Variants in ATXN8OS observed in about 807,000 individuals in gnomAD.
ATXN8OS encodes ATXN8 opposite strand (non-protein coding).
chr13:70,146,095 T>C (rs1481408934), intron 3 of ATXN8OS, among the ~76,000 whole-genome samples: 1 of 143,818 alleles, frequency 7.0e-6, no homozygotes. Context: ...CATCAAAAAG[T>C]GGGCAAAGGA....
At chr13:70,107,722 G>T (rs1375503916), upstream of ATXN8OS, 1 of 1,499,744 alleles carries the variant, frequency 6.7e-7, no homozygotes. Context: ...GAAGGCAAAA[G>T]GCTGGCAGCT....
chr13:70,139,351 T>A, intron 3 of ATXN8OS: 1 of 547,474 alleles, frequency 1.8e-6, no homozygotes, highest in Non-Finnish European at 3.2e-6. Context: ...AAACCTGGCT[T>A]TACTACTACT....
intron 3 of ATXN8OS, among the ~76,000 whole-genome samples, chr13:70,140,261 GTTAT>G (rs151204625): frequency 0.018 from 2,747 of 151,980 alleles, 77 homozygotes; most frequent in African/African-American, 0.061. Flanking sequence ...TCAACAATAA[GTTAT>G]TTATTTTTGT....
chr13:70,133,681 T>C (rs557255680), intron 3 of ATXN8OS, among the ~76,000 whole-genome samples: 4 of 151,960 alleles, frequency 2.6e-5, no homozygotes, highest in Admixed American at 1.3e-4. Flanking sequence ...AATACAGACA[T>C]AGAAAGGCAG....
intron 4 of ATXN8OS, among the ~76,000 whole-genome samples, chr13:70,158,523 G>C (rs2137503284): frequency 6.6e-6 from 1 of 152,306 alleles, no homozygotes; most frequent in South Asian, 2.1e-4. Flanking sequence ...TCAACAATAT[G>C]CCTAGATGGC....
At chr13:70,108,069 C>T (rs1319405471) in intron 1 of ATXN8OS, 4 of 417,936 alleles carry the variant, frequency 9.6e-6, no homozygotes, top group Non-Finnish European at 1.7e-5. Flanking sequence ...GGTCTGAGCG[C>T]TCCGAAGCTC....
intron 3 of ATXN8OS, among the ~76,000 whole-genome samples, chr13:70,142,391 A>G (rs1888729871): frequency 1.3e-5 from 2 of 152,214 alleles, no homozygotes; most frequent in African/African-American, 4.8e-5. Flanking sequence ...TTAAAGGGGT[A>G]GAGATTGTCA....
At chr13:70,149,002 G>T (rs140029267) in intron 4 of ATXN8OS, among the ~76,000 whole-genome samples, 1 of 152,166 alleles carries the variant, frequency 6.6e-6, no homozygotes, top group Non-Finnish European at 1.5e-5. Context: ...AGAATGAAAA[G>T]AACATATTTT....
At chr13:70,116,675 A>G (rs957470872) in intron 2 of ATXN8OS, among the ~76,000 whole-genome samples, 3 of 152,154 alleles carry the variant, frequency 2.0e-5, no homozygotes, top group Non-Finnish European at 4.4e-5. Flanking sequence ...TTGGAGTGAT[A>G]GCATCTGACT....
chr13:70,139,365 A>ACTACTACTACTACTACTACTACTG, intron 3 of ATXN8OS: 1 of 613,774 alleles, frequency 1.6e-6, no homozygotes, highest in Non-Finnish European at 2.7e-6. Flanking sequence ...TACTACTACT[A>ACTACTACTACTACTACTACTACTG]CTACTACTAC....
chr13:70,123,570 A>C (rs1183280430), intron 2 of ATXN8OS, among the ~76,000 whole-genome samples: 1 of 152,148 alleles, frequency 6.6e-6, no homozygotes, highest in Non-Finnish European at 1.5e-5. Context: ...AAACTTAGAA[A>C]AGATCTGAAA....
intron 3 of ATXN8OS, among the ~76,000 whole-genome samples, chr13:70,143,760 GT>G (rs1343191269): frequency 6.6e-6 from 1 of 152,078 alleles, no homozygotes; most frequent in Non-Finnish European, 1.5e-5. Context: ...CAGAATTCGT[GT>G]TTAAGTGCTT....
intron 4 of ATXN8OS, among the ~76,000 whole-genome samples, chr13:70,153,017 T>C (rs1455529260): frequency 2.7e-5 from 1 of 36,588 alleles, no homozygotes; most frequent in Non-Finnish European, 9.3e-5. Context: ...GAAAAAACTG[T>C]GTGTGTGTGT....
intron 3 of ATXN8OS, chr13:70,129,933 A>G (rs1423637248): frequency 2.5e-6 from 1 of 398,236 alleles, no homozygotes; most frequent in African/African-American, 2.1e-5. Flanking sequence ...GGTGTGTGCC[A>G]TTAGTGCCTC....
chr13:70,127,630 T>C (rs1025660541), intron 2 of ATXN8OS, among the ~76,000 whole-genome samples: 7 of 151,708 alleles, frequency 4.6e-5, no homozygotes, highest in Non-Finnish European at 1.0e-4. Flanking sequence ...ACACGTACTT[T>C]CACCAGATAT....
At chr13:70,135,053 T>C (rs535565577) in intron 3 of ATXN8OS, among the ~76,000 whole-genome samples, 1 of 152,338 alleles carries the variant, frequency 6.6e-6, no homozygotes, top group African/African-American at 2.4e-5. Flanking sequence ...AGGACGAGAC[T>C]ACCTAGCCCA....
chr13:70,167,620 C>G (rs186607280), intron 4 of ATXN8OS, among the ~76,000 whole-genome samples: 1 of 150,222 alleles, frequency 6.7e-6, no homozygotes, highest in African/African-American at 2.4e-5. Flanking sequence ...TGTAACTAAC[C>G]TGCACGTTGT....
At chr13:70,146,840 A>G (rs1888793616) in intron 3 of ATXN8OS, among the ~76,000 whole-genome samples, 1 of 152,152 alleles carries the variant, frequency 6.6e-6, no homozygotes, top group Admixed American at 6.5e-5. Flanking sequence ...GGTGCAGCAC[A>G]CCAGCATGGC....
At chr13:70,139,383 ACTGCTGCTGCTGCTGCTGCTGCTG>A (rs193922930) in intron 3 of ATXN8OS, 27 of 458,350 alleles carry the variant, frequency 5.9e-5, no homozygotes, top group Admixed American at 2.7e-4. Context: ...TACTACTACT[ACTGCTGCTGCTGCTGCTGCTGCTG>A]CTGCTGCTGC....
Sources: allele counts gnomAD v4.1 joint callset (sites outside exome capture counted in the v4.1 genomes callset), GRCh38; gene constraint gnomAD v4.1.1; transcripts MANE v1.5; gene names NCBI Gene and HGNC (gene_info 2026-07-23, HGNC 2026-07-21).